The following UNC79 variants were observed in gnomAD, a reference collection of about 807,000 sequenced individuals.
UNC79 encodes protein unc-79 homolog.
Under a neutral mutation model 283.1 loss-of-function variants are expected in UNC79, and 37 were observed. The ratio of observed to expected loss-of-function variants is 0.13; its 90% CI spans 0.10 to 0.17. UNC79 has a LOEUF of 0.17. Ranked by LOEUF, UNC79 falls within the 10% of genes least tolerant of loss-of-function variation. The probability of loss-of-function intolerance (pLI) is 1.00; values close to 1 mark genes in which losing one functional copy is unlikely to be tolerated. For missense variants in UNC79, 2,272 were observed against 3,211.1 expected (o/e 0.71, Z 7.07); for synonymous variants, 1,107 against 1,200.2 (o/e 0.92, Z 1.61).
At chr14:93,598,364 ACG>A (rs1491385288) in intron 24 of UNC79, among the ~76,000 whole-genome samples, 1 of 106,590 alleles carries the variant, frequency 9.4e-6, no homozygotes, top group Non-Finnish European at 1.9e-5. Context: ...TTATTGCATA[ACG>A]TGTGTGTGTG....
Position 93,552,246 on chromosome 14 carries a change from A to T in UNC79, c.1755+9550A>T, listed in dbSNP as rs571301452. Among the ~76,000 whole-genome samples, 548 of 152,346 alleles carry T rather than the reference A, an allele frequency of 3.6e-3. 4 individuals are homozygous for T. Among genetic ancestry groups the T allele is most frequent in the African/African-American group, 0.013 (527 of 41,580 alleles). On this transcript the variant is annotated intron_variant, in intron 14 of 48. Transcript: ENST00000555664. ...GAAATATAAGGCAAACATACTTTTA[A>T]TAAGAGACATTTCTATGGAAACAAA...
chr14:93,457,064 C>T (rs1259505119), intron 1 of UNC79, among the ~76,000 whole-genome samples: 1 of 152,152 alleles, frequency 6.6e-6, no homozygotes, highest in African/African-American at 2.4e-5. Context: ...GTAGTGGAAA[C>T]TTTAGTGTTA....
At chr14:93,693,152 G>A (rs972546244) in intron 46 of UNC79, among the ~76,000 whole-genome samples, 4 of 152,204 alleles carry the variant, frequency 2.6e-5, no homozygotes, top group Non-Finnish European at 2.9e-5. Flanking sequence ...AATTCTATGT[G>A]TAGAGAGATG....
At position 93,411,335 on chromosome 14, in the gene UNC79, A is replaced by T. The variant is rs532759944; in HGVS notation, c.-350-56336A>T. Among the ~76,000 whole-genome samples, 13 of 152,286 alleles carry T rather than the reference A, an allele frequency of 8.5e-5. No individual in the cohort carries two copies. The East Asian group carries it at 2.5e-3, about 29-fold the overall frequency. On this transcript the variant is annotated intron_variant, in intron 1 of 49. Coordinates refer to the UNC79 transcript ENST00000256339. The stretch of plus-strand genomic sequence containing the variant: ...TTTGACCGTAGTCTCTGGCTCCTGG[A>T]TGTCACCTCTGGACCCACCCAGGAC...
chr14:93,505,964 T>A (rs1028820172), intron 7 of UNC79, among the ~76,000 whole-genome samples: 8 of 151,712 alleles, frequency 5.3e-5, no homozygotes, highest in African/African-American at 1.9e-4. Flanking sequence ...ATACTTTATT[T>A]TATATATATA....
intron 1 of UNC79, among the ~76,000 whole-genome samples, chr14:93,393,869 G>T (rs1394438663): frequency 9.9e-5 from 15 of 151,956 alleles, no homozygotes; most frequent in Admixed American, 9.8e-4. Flanking sequence ...TATTCTGTAT[G>T]TATGCTATTT....
At chr14:93,516,177 A>G (rs1012996137) in intron 7 of UNC79, among the ~76,000 whole-genome samples, 2 of 151,900 alleles carry the variant, frequency 1.3e-5, no homozygotes, top group Admixed American at 6.6e-5. Context: ...TAAACTCTCT[A>G]TTTTGTTTCA....
chr14:93,696,022 T>C (rs552938714), intron 47 of UNC79, among the ~76,000 whole-genome samples: 1 of 152,124 alleles, frequency 6.6e-6, no homozygotes, highest in African/African-American at 2.4e-5. Flanking sequence ...TCACTATAGA[T>C]CAGCTTGCAC....
intron 1 of UNC79, among the ~76,000 whole-genome samples, chr14:93,454,859 C>T (rs182520457): frequency 6.6e-6 from 1 of 152,204 alleles, no homozygotes; most frequent in East Asian, 1.9e-4. Flanking sequence ...TTGCTTTTCA[C>T]ATGTTAAATG....
At chr14:93,467,221 G>T (rs1324959672) in intron 1 of UNC79, among the ~76,000 whole-genome samples, 2 of 152,096 alleles carry the variant, frequency 1.3e-5, no homozygotes, top group Non-Finnish European at 1.5e-5. Context: ...AGGATTTTTT[G>T]AGTGTTGTAG....
intron 27 of UNC79, among the ~76,000 whole-genome samples, chr14:93,613,334 GAGAGAAAGATGCTAACCTTGTAGCAT>G (rs902283973): frequency 7.9e-5 from 12 of 151,928 alleles, no homozygotes; most frequent in African/African-American, 2.9e-4. Context: ...GAGAGAGAGA[GAGAGAAAGATGCTAACCTTGTAGCAT>G]ATGAAGAGTG....
intron 1 of UNC79, among the ~76,000 whole-genome samples, chr14:93,363,721 C>T (rs1002286845): frequency 6.6e-6 from 1 of 151,710 alleles, no homozygotes; most frequent in Non-Finnish European, 1.5e-5. Flanking sequence ...CTATGTAATG[C>T]CTTTCTTTTT....
At chr14:93,487,083 C>T (rs114530880) in intron 4 of UNC79, among the ~76,000 whole-genome samples, 2,967 of 151,998 alleles carry the variant, frequency 0.02, 94 homozygotes, top group African/African-American at 0.068. Flanking sequence ...TGAAGTTACA[C>T]GTGAAGGTTT....
At chr14:93,691,621 T>G in intron 45 of UNC79, 128 bp from the exon 49 acceptor site, 76 of 899,390 alleles carry the variant, frequency 8.5e-5, no homozygotes, top group Middle Eastern at 3.4e-4. Flanking sequence ...TTTGTAACTC[T>G]GAGATAACGT....
At chr14:93,362,352 T>G (rs2054244709) in intron 1 of UNC79, among the ~76,000 whole-genome samples, 1 of 152,066 alleles carries the variant, frequency 6.6e-6, no homozygotes, top group African/African-American at 2.4e-5. Flanking sequence ...TTATTACTGA[T>G]TAAGGTTTTT....
At chr14:93,546,754 G>A (rs999091963) in intron 14 of UNC79, among the ~76,000 whole-genome samples, 11 of 152,060 alleles carry the variant, frequency 7.2e-5, no homozygotes, top group Non-Finnish European at 1.3e-4. Context: ...GTCTTGTTCT[G>A]CTTGATTGAG....
intron 47 of UNC79, among the ~76,000 whole-genome samples, chr14:93,703,011 A>G (rs1185724039): frequency 2.0e-5 from 3 of 152,252 alleles, no homozygotes; most frequent in Non-Finnish European, 2.9e-5. Context: ...AATTTGGAAT[A>G]AAATTCAGAT....
chr14:93,650,473 T>A (rs1048485002), intron 35 of UNC79, among the ~76,000 whole-genome samples: 2 of 152,160 alleles, frequency 1.3e-5, no homozygotes, highest in African/African-American at 4.8e-5. Context: ...ACTTTGGCAT[T>A]GTTGGTCTTT....
intron 1 of UNC79, among the ~76,000 whole-genome samples, chr14:93,459,076 C>G (rs2056870615): frequency 6.6e-6 from 1 of 152,244 alleles, no homozygotes; most frequent in Non-Finnish European, 1.5e-5. Context: ...ACTGCAACCT[C>G]TGCCTCCTGG....
Sources: allele counts gnomAD v4.1 joint callset (sites outside exome capture counted in the v4.1 genomes callset), GRCh38; gene constraint gnomAD v4.1.1; transcripts MANE v1.5; gene names NCBI Gene and HGNC (gene_info 2026-07-23, HGNC 2026-07-21).